Variants in CASZ1 observed in about 807,000 individuals in gnomAD.
CASZ1 encodes castor zinc finger 1.
Under a neutral mutation model 135.2 loss-of-function variants are expected in CASZ1, and 28 were observed. The observed-to-expected ratio is 0.21, with a 90% CI of 0.15 to 0.28. CASZ1 has a LOEUF of 0.28. CASZ1 is among the 10% of genes least tolerant of loss of function. CASZ1 has a pLI of 1.00. For missense variants in CASZ1, 2,161 were observed against 2,453.3 expected (o/e 0.88, Z 2.52); for synonymous variants, 1,068 against 1,073.4 (o/e 0.99, Z 0.10).
intron 2 of CASZ1, among the ~76,000 whole-genome samples, chr1:10,736,756 G>A (rs1001714058): frequency 2.6e-4 from 40 of 152,200 alleles, no homozygotes; most frequent in African/African-American, 8.4e-4. Flanking sequence ...AGGAGTACAC[G>A]GTCTAGTAGC....
At chr1:10,782,040 A>G (rs1640772011) in intron 1 of CASZ1, among the ~76,000 whole-genome samples, 1 of 152,224 alleles carries the variant, frequency 6.6e-6, no homozygotes, top group African/African-American at 2.4e-5. Context: ...ACCCCCCAGG[A>G]GCAGGTTGTA....
At chr1:10,664,214 C>G (rs1412525492) in intron 5 of CASZ1, among the ~76,000 whole-genome samples, 1 of 152,024 alleles carries the variant, frequency 6.6e-6, no homozygotes, top group East Asian at 1.9e-4. Flanking sequence ...AGGGGAAGGG[C>G]TAGGGGAGCG....
At position 10,699,566 on chromosome 1, in the gene CASZ1, G is replaced by A. The variant is rs1315751421; in HGVS notation, c.-23-5654C>T. On this transcript the variant is annotated intron_variant, in intron 3 of 20. Coordinates refer to ENST00000377022, the MANE Select transcript of CASZ1 (RefSeq NM_001079843.3). The surrounding 1 kb of genome is among the most constrained non-coding windows in gnomAD (Gnocchi z 4.6). Reference sequence around the variant, plus strand: ...GGCAGCCCAGCACCCAGGGAGCCGGGAGCAGGTTTAATTTGCCAGGCAGCC... The same window carrying A: ...GGCAGCCCAGCACCCAGGGAGCCGGAAGCAGGTTTAATTTGCCAGGCAGCC... 6.6e-6 allele frequency among the ~76,000 whole-genome samples: 1 copy of A among 152,242 alleles called. No individual in the cohort carries two copies. Among genetic ancestry groups the A allele is most frequent in the Non-Finnish European group, 1.5e-5 (1 of 68,048 alleles).
intron 2 of CASZ1, among the ~76,000 whole-genome samples, chr1:10,736,375 A>G (rs1169456176): frequency 2.0e-5 from 3 of 152,206 alleles, no homozygotes; most frequent in Non-Finnish European, 4.4e-5. Flanking sequence ...GACCTTAGTG[A>G]GCAGCATGGC....
At chr1:10,693,325 G>A (rs1638824384) in intron 4 of CASZ1, among the ~76,000 whole-genome samples, 1 of 151,662 alleles carries the variant, frequency 6.6e-6, no homozygotes, top group African/African-American at 2.4e-5. Flanking sequence ...TTGATCATCC[G>A]ACACAGCCTT....
intron 1 of CASZ1, among the ~76,000 whole-genome samples, chr1:10,792,324 C>CTCCCCCCCCCT (rs1238754251): frequency 5.0e-5 from 1 of 19,906 alleles, no homozygotes; most frequent in African/African-American, 1.7e-4. Context: ...ACCCCTCCCC[C>CTCCCCCCCCCT]CCGCCCCCCC....
chr1:10,653,178 GT>G, intron 11 of CASZ1, 198 bp downstream of exon 11: 1 of 648,454 alleles, frequency 1.5e-6, no homozygotes. Context: ...CCCCCCTACT[GT>G]GGGGAGCCAG....
intron 8 of CASZ1, 80 bp downstream of exon 8, chr1:10,656,566 C>T (rs1293821592): frequency 6.4e-6 from 7 of 1,100,636 alleles, no homozygotes; most frequent in African/African-American, 6.2e-5. Context: ...CCCCCACTGC[C>T]GTCCCCGCCT....
At chr1:10,734,070 G>T (rs921935932) in intron 2 of CASZ1, among the ~76,000 whole-genome samples, 15 of 152,146 alleles carry the variant, frequency 9.9e-5, no homozygotes, top group South Asian at 2.1e-4. Context: ...GAGGAGCGCT[G>T]GTACATCCCC....
At position 10,794,056 on chromosome 1, in the gene CASZ1, C is replaced by T. The variant is rs781293130; in HGVS notation, c.-234+2508G>A. Reference sequence around the variant, plus strand: ...TGGAGCGCAGCCCCGGCTCAGCCCCCGGGGAACAACTACCCCCCTCCCCAT... The same window carrying T: ...TGGAGCGCAGCCCCGGCTCAGCCCCTGGGGAACAACTACCCCCCTCCCCAT... On this transcript the variant is annotated intron_variant, in intron 1 of 20. Transcript: ENST00000377022. This position sits in a 1 kb window ranked among gnomAD's most constrained non-coding sequence, Gnocchi z 5.6. Among the ~76,000 whole-genome samples, 1 of 152,162 alleles carries T rather than the reference C, an allele frequency of 6.6e-6. No individual in the cohort carries two copies. The highest frequency in any genetic ancestry group is 1.5e-5 in the Non-Finnish European group (1 of 68,008).
Position 10,767,982 on chromosome 1 carries a change from C to G in CASZ1, c.-233-7125G>C. On this transcript the variant is annotated intron_variant, in intron 1 of 20. Coordinates refer to ENST00000377022, the MANE Select transcript of CASZ1 (RefSeq NM_001079843.3). This position sits in a 1 kb window ranked among gnomAD's most constrained non-coding sequence, Gnocchi z 4.2. ...GACCCCAGACCTGGGACCCCAGACT[C>G]CACCCTGGAATCTCACAAGTGTCTT... Among the ~76,000 whole-genome samples the G allele has an allele frequency of 6.6e-6, 1 of 152,210 alleles. No individual in the cohort carries two copies. Among genetic ancestry groups the G allele is most frequent in the Admixed American group, 6.5e-5 (1 of 15,284 alleles).
In CASZ1 at chr1:10,674,567, C is replaced by T. The variant is rs547068045; in HGVS notation, c.17-8996G>A. On this transcript the variant is annotated intron_variant, in intron 4 of 20. Coordinates refer to ENST00000377022, the MANE Select transcript of CASZ1 (RefSeq NM_001079843.3). ...CGTCTTCCCTGCCCTGGGCTCGGGTCCCCAACTGTAACACAGCGTTGCTGA... is the reference window on the plus strand; with the variant it reads ...CGTCTTCCCTGCCCTGGGCTCGGGTTCCCAACTGTAACACAGCGTTGCTGA... Among the ~76,000 whole-genome samples, 10 of 152,362 alleles carry T rather than the reference C, an allele frequency of 6.6e-5. No homozygotes were observed. The South Asian group carries it at 1.9e-3, about 28-fold the overall frequency.
intron 1 of CASZ1, among the ~76,000 whole-genome samples, chr1:10,761,477 GAA>G (rs902619802): frequency 6.6e-6 from 1 of 152,138 alleles, no homozygotes; most frequent in Non-Finnish European, 1.5e-5. Flanking sequence ...TTCATAAAAA[GAA>G]AAGAGGGTGT....
Position 10,700,807 on chromosome 1 carries a change from A to G in CASZ1, c.-24+4685T>C, listed in dbSNP as rs1639046210. Among the ~76,000 whole-genome samples the G allele has an allele frequency of 1.3e-5, 2 of 152,324 alleles. No homozygotes were observed. The highest frequency in any genetic ancestry group is 4.1e-4 in the South Asian group (2 of 4,822). ...AGGGTTTCTTCCTGGGGGAATGAAA[A>G]TGTTCTAAAATTAGATAGTGGTGAT... On this transcript the variant is annotated intron_variant, in intron 3 of 20. Coordinates refer to ENST00000377022, the MANE Select transcript of CASZ1 (RefSeq NM_001079843.3). This position sits in a 1 kb window ranked among gnomAD's most constrained non-coding sequence, Gnocchi z 4.2.
At chr1:10,713,814 G>A (rs1639329340) in intron 2 of CASZ1, among the ~76,000 whole-genome samples, 1 of 152,040 alleles carries the variant, frequency 6.6e-6, no homozygotes, top group African/African-American at 2.4e-5. Context: ...GGTTGGCATT[G>A]CTGGCCGCCC....
rs1192500449 is a variant in CASZ1 at position 10,694,657 on chromosome 1, G to T, written c.-23-745C>A. Among the ~76,000 whole-genome samples the T allele has an allele frequency of 7.0e-6, 1 of 142,694 alleles. No individual in the cohort carries two copies. The highest frequency in any genetic ancestry group is 1.6e-5 in the Non-Finnish European group (1 of 64,446). 93.6% of individuals were successfully genotyped at this position (142,694 alleles called of 152,430 possible). ...CGCCCGCCGCCCGCCGCCCGGTGCC[G>T]GAGTGAATGGGCTCGCGCTCGCTCG... On this transcript the variant is annotated intron_variant, in intron 3 of 20. Transcript: ENST00000377022. This position sits in a 1 kb window ranked among gnomAD's most constrained non-coding sequence, Gnocchi z 6.6.
chr1:10,701,503 G>C lies in CASZ1; in HGVS notation c.-24+3989C>G, dbSNP rs983345270. Among the ~76,000 whole-genome samples, 2 of 152,120 alleles carry C rather than the reference G, an allele frequency of 1.3e-5. No homozygotes were observed. Among genetic ancestry groups the C allele is most frequent in the Admixed American group, 1.3e-4 (2 of 15,280 alleles). On this transcript the variant is annotated intron_variant, in intron 3 of 20. Coordinates refer to ENST00000377022, the MANE Select transcript of CASZ1 (RefSeq NM_001079843.3). This position sits in a 1 kb window ranked among gnomAD's most constrained non-coding sequence, Gnocchi z 6.3. ...GTCCAGCCCCCTCTCGCCAAAGCTCGCCCTTCAGAGTGATGGAGTGATGGG... is the reference window on the plus strand; with the variant it reads ...GTCCAGCCCCCTCTCGCCAAAGCTCCCCCTTCAGAGTGATGGAGTGATGGG...
intron 2 of CASZ1, among the ~76,000 whole-genome samples, chr1:10,753,945 G>A (rs1156643669): frequency 6.6e-6 from 1 of 152,100 alleles, no homozygotes; most frequent in African/African-American, 2.4e-5. Flanking sequence ...CAAGGCCTAC[G>A]GGATCTGAGG....
At chr1:10,650,156 T>C (rs530819587) in intron 13 of CASZ1, 1 of 152,406 alleles carries the variant, frequency 6.6e-6, no homozygotes, top group South Asian at 2.1e-4. Flanking sequence ...GTAACCGAAT[T>C]AATCTTGCTG....
Sources: gnomAD v4.1 joint callset for allele counts (sites outside exome capture counted in the v4.1 genomes callset) on GRCh38, gnomAD v4.1.1 for gene constraint, Gnocchi (gnomAD v3.1) non-coding constraint, MANE v1.5 for transcripts, NCBI Gene and HGNC (gene_info 2026-07-23, HGNC 2026-07-21) for gene names.